The following MINK1 variants were observed in gnomAD, a reference collection of about 807,000 sequenced individuals.
The protein encoded by MINK1 is misshapen-like kinase 1.
In MINK1, 46 loss-of-function variants were observed where a neutral mutation model predicts 178.4. That is an observed-to-expected ratio of 0.26 (90% CI 0.20 to 0.33). The LOEUF is 0.33. Among genes scored for constraint, MINK1 ranks in the 10% least tolerant of loss-of-function variants. The pLI, the probability that MINK1 is intolerant of heterozygous loss-of-function variation, is 1.00. For synonymous variants in MINK1, 797 were observed against 709.7 expected (o/e 1.12, Z -1.96); for missense variants, 1,366 against 1,814.9 (o/e 0.75, Z 4.49).
intron 1 of MINK1, chr17:4,844,633 T>C: frequency 4.2e-6 from 2 of 479,858 alleles, no homozygotes; most frequent in South Asian, 1.5e-5. Context: ...AATACAGAGC[T>C]CCACGGGGCT....
At chr17:4,897,024 C>T (rs1969594098) in intron 31 of MINK1, 180 bp from the exon 32 acceptor site, 8 of 874,522 alleles carry the variant, frequency 9.1e-6, no homozygotes, top group Non-Finnish European at 1.4e-5. Flanking sequence ...GAGTGGTGCA[C>T]CCTCTCCCCT....
At chr17:4,893,671 G>A (rs529250844) in intron 21 of MINK1, 74 bp downstream of exon 21, 72 of 1,466,502 alleles carry the variant, frequency 4.9e-5, no homozygotes, top group African/African-American at 3.5e-4. Context: ...GGGAAGAGGT[G>A]GGGCTTTGGG....
chr17:4,844,829 T>TA (rs1910772341), intron 1 of MINK1, among the ~76,000 whole-genome samples: 1 of 152,066 alleles, frequency 6.6e-6, no homozygotes, highest in Non-Finnish European at 1.5e-5. Flanking sequence ...CCTTTAAAAA[T>TA]GTGTTGTTGT....
rs563081307 is a variant in MINK1 at position 4,885,702 on chromosome 17, G to A, written c.639+89G>A. 2 of 1,557,924 alleles carry A rather than the reference G, an allele frequency of 1.3e-6. No individual in the cohort carries two copies. The highest frequency in any genetic ancestry group is 2.3e-5 in the East Asian group (1 of 44,266). On this transcript the variant is annotated intron_variant, in intron 7 of 31. Coordinates refer to ENST00000355280, the MANE Select transcript of MINK1 (RefSeq NM_153827.5). This position sits in a 1 kb window ranked among gnomAD's most constrained non-coding sequence, Gnocchi z 5.0. ...GGGCCTGAGCAGGCTGGGGAACAGA[G>A]GAAGGTCAGATGATGTTAGCAGTGA...
intron 1 of MINK1, among the ~76,000 whole-genome samples, chr17:4,845,330 A>G (rs916433894): frequency 1.3e-5 from 2 of 152,102 alleles, no homozygotes; most frequent in African/African-American, 4.8e-5. Context: ...CCCCCCAGCC[A>G]TGACTTGCGT....
At chr17:4,893,096 G>A in intron 20 of MINK1, 29 bp downstream of exon 20, 1 of 1,552,580 alleles carries the variant, frequency 6.4e-7, no homozygotes, top group African/African-American at 1.4e-5. Flanking sequence ...GGCATGGCCT[G>A]CCTCATCCTG....
Position 4,895,436 on chromosome 17 carries a change from C to A in MINK1, c.3172C>A (p.Arg1058=). The A allele has an allele frequency of 1.2e-6, 2 of 1,607,566 alleles. No individual in the cohort carries two copies. Among genetic ancestry groups the A allele is most frequent in the South Asian group, 1.1e-5 (1 of 90,274 alleles). The change falls in exon 26 of 32, where the codon CGA becomes AGA. Residue 1058 remains arginine (R), a synonymous_variant. Coordinates refer to ENST00000355280, the MANE Select transcript of MINK1 (RefSeq NM_153827.5). This position sits in a 1 kb window ranked among gnomAD's most constrained non-coding sequence, Gnocchi z 4.3. The part of the protein sequence containing the change: ...QGKVYGLIGR[R]RFQQMDVLEG... The stretch of plus-strand genomic sequence containing the variant: ...CAAGGTGTATGGACTCATTGGGCGG[C>A]GACGCTTCCAGCAGATGGATGTGCT...
chr17:4,892,394 C>A lies in MINK1; in HGVS notation c.2088-8C>A. On this transcript the variant is annotated splice_region_variant and splice_polypyrimidine_tract_variant and intron_variant, in intron 17 of 31. Transcript: ENST00000355280. ...CGCCCCCTCGGCACCCCTGTGCTCC[C>A]TTCACAGACCTCGCAGCAACTCCGC... is the stretch of plus-strand genomic sequence containing the variant. The A allele has an allele frequency of 6.4e-7, 1 of 1,550,982 alleles. No individual in the cohort carries two copies.
intron 1 of MINK1, among the ~76,000 whole-genome samples, chr17:4,866,606 T>C (rs1915004833): frequency 1.1e-5 from 1 of 92,096 alleles, no homozygotes; most frequent in African/African-American, 4.2e-5. Flanking sequence ...ACCCTGATTC[T>C]ACCAAAAAAA....
chr17:4,860,762 G>A, intron 1 of MINK1: 2 of 520,106 alleles, frequency 3.8e-6, no homozygotes, highest in South Asian at 2.8e-5. Context: ...CTAGGGAGCA[G>A]AGACCGTGGT....
Position 4,894,779 on chromosome 17 carries a change from A to G in MINK1, c.2917+146A>G. 1 of 680,686 alleles carries G rather than the reference A, an allele frequency of 1.5e-6. No individual in the cohort carries two copies. The highest frequency in any genetic ancestry group is 2.5e-6 in the Non-Finnish European group (1 of 397,412). 42.2% of individuals were successfully genotyped at this position (680,686 alleles called of 1,614,324 possible). ...TAGCACCTGCCTGGGCACAGAGGCA[A>G]GGAAGAGCCTCTGAGACCCCTCCTT... On this transcript the variant is annotated intron_variant, in intron 24 of 31. Coordinates refer to ENST00000355280, the MANE Select transcript of MINK1 (RefSeq NM_153827.5). This position sits in a 1 kb window ranked among gnomAD's most constrained non-coding sequence, Gnocchi z 4.1.
intron 1 of MINK1, chr17:4,859,213 GCTTTATGGTTCCAGTT>G: frequency 9.1e-6 from 9 of 985,412 alleles, no homozygotes; most frequent in Non-Finnish European, 9.6e-6. Context: ...CCTTCCCCAG[GCTTTATGGTTCCAGTT>G]CTTCTACCAT....
chr17:4,892,295 G>C (rs930722978), intron 17 of MINK1, 61 bp downstream of exon 17: 25 of 1,509,908 alleles, frequency 1.7e-5, no homozygotes, highest in East Asian at 2.5e-5. Flanking sequence ...GAGTAGGGGG[G>C]GCACAGGGAC....
chr17:4,872,271 A>G (rs1011098071), intron 1 of MINK1, among the ~76,000 whole-genome samples: 1 of 151,822 alleles, frequency 6.6e-6, no homozygotes, highest in Non-Finnish European at 1.5e-5. Flanking sequence ...TGGAGGTTGC[A>G]GTGAGCTGAG....
intron 1 of MINK1, among the ~76,000 whole-genome samples, chr17:4,853,818 C>G (rs1331770805): frequency 6.6e-6 from 1 of 152,058 alleles, no homozygotes; most frequent in Admixed American, 6.6e-5. Flanking sequence ...GCCTCGCTTA[C>G]CTACAGTGAG....
intron 15 of MINK1, 77 bp from the exon 16 acceptor site, chr17:4,891,379 C>A: frequency 2.0e-6 from 3 of 1,487,170 alleles, no homozygotes; most frequent in Non-Finnish European, 8.9e-7. Context: ...AAAGTCCTTT[C>A]CCACCCCAGA....
Position 4,886,775 on chromosome 17 carries a change from C to A in MINK1, c.949+149C>A. 1 of 944,448 alleles carries A rather than the reference C, an allele frequency of 1.1e-6. No homozygotes were observed. Among genetic ancestry groups the A allele is most frequent in the Non-Finnish European group, 1.5e-6 (1 of 654,894 alleles). The allele number at this position is 944,448 out of a possible 1,614,324, so 58.5% of individuals were successfully genotyped here. On this transcript the variant is annotated intron_variant, in intron 10 of 31. Transcript: ENST00000355280. This position sits in a 1 kb window ranked among gnomAD's most constrained non-coding sequence, Gnocchi z 6.1. Reference sequence around the variant, plus strand: ...AAGGAGATCGTTCTCAAACTTGCAACCCCCAAGGGGTTTTCCCTCCTTTCC... The same window carrying A: ...AAGGAGATCGTTCTCAAACTTGCAAACCCCAAGGGGTTTTCCCTCCTTTCC...
chr17:4,855,724 C>T (rs1406136422), intron 1 of MINK1, among the ~76,000 whole-genome samples: 10 of 138,644 alleles, frequency 7.2e-5, no homozygotes, highest in Non-Finnish European at 9.3e-5. Flanking sequence ...GAGCCGAGAT[C>T]GCGCCACTGC....
In MINK1 at chr17:4,896,140, C is replaced by G. The variant is rs761379651; in HGVS notation, c.3465+37C>G. ...CTCGGTCCCTAACACCATCTGGAGT[C>G]CCAGCGCCTCTCCCCGTGCCCCTGA... On this transcript the variant is annotated intron_variant, in intron 28 of 31. Transcript: ENST00000355280. The surrounding 1 kb of genome is among the most constrained non-coding windows in gnomAD (Gnocchi z 4.6). The G allele has an allele frequency of 6.2e-7, 1 of 1,605,598 alleles. No homozygotes were observed. Among genetic ancestry groups the G allele is most frequent in the Admixed American group, 1.7e-5 (1 of 58,394 alleles).
Sources: gnomAD v4.1 joint callset for allele counts (sites outside exome capture counted in the v4.1 genomes callset) on GRCh38, gnomAD v4.1.1 for gene constraint, Gnocchi (gnomAD v3.1) non-coding constraint, MANE v1.5 for transcripts, NCBI Gene and HGNC (gene_info 2026-07-23, HGNC 2026-07-21) for gene names.